Variants in IL1RN observed in about 807,000 individuals in gnomAD.
IL1RN encodes interleukin-1 receptor antagonist protein.
A neutral mutation model predicts 13.7 loss-of-function variants in IL1RN; 10 were observed. The ratio of observed to expected loss-of-function variants is 0.73; its 90% CI spans 0.45 to 1.24. The LOEUF (loss-of-function observed/expected upper bound fraction) is 1.24. Among genes scored for constraint, IL1RN ranks in the 50% most tolerant of loss-of-function variants. The pLI, the probability that IL1RN is intolerant of heterozygous loss-of-function variation, is 0.00. For synonymous variants in IL1RN, 102 were observed against 82.7 expected, an observed-to-expected ratio of 1.23 and a Z score of -1.27; for missense variants, 213 against 222.1, an observed-to-expected ratio of 0.96 and a Z score of 0.26.
At chr2:113,131,589 A>G (rs1190306687) in intron 3 of IL1RN, among the ~76,000 whole-genome samples, 1 of 152,132 alleles carries the variant, frequency 6.6e-6, no homozygotes, top group Non-Finnish European at 1.5e-5. Flanking sequence ...AGACACGGTC[A>G]CTGGGGGCCA....
rs1686725282 is a variant in IL1RN, at chr2:113,120,273, T to C, written c.73+145T>C. ...ATGAAAACGATTGATTACTAATATA[T>C]CTGCAATGGTTTATTTTCCTGAGTG... is the stretch of plus-strand genomic sequence containing the variant. On this transcript the variant is annotated intron_variant, in intron 2 of 5. Coordinates refer to the IL1RN transcript ENST00000259206. 11 of 739,718 alleles carry C rather than the reference T, an allele frequency of 1.5e-5. No homozygotes were observed. In the South Asian group the frequency reaches 1.7e-4, roughly 11 times the overall value. 45.8% of individuals were successfully genotyped at this position (739,718 alleles called of 1,614,324 possible). A position where few individuals can be genotyped will look rare whatever the true frequency, so the allele number is the denominator to read the frequency against.
At chr2:113,118,189 G>A (rs1315372046) in intron 1 of IL1RN, among the ~76,000 whole-genome samples, 3 of 152,236 alleles carry the variant, frequency 2.0e-5, no homozygotes, top group African/African-American at 7.2e-5. Flanking sequence ...GGCACGGGGA[G>A]GCATCCATGG....
chr2:113,113,773 T>A (rs975282868), upstream of IL1RN, among the ~76,000 whole-genome samples: 3 of 152,190 alleles, frequency 2.0e-5, no homozygotes, highest in South Asian at 4.1e-4. Flanking sequence ...TTAAAAATGG[T>A]TGGACTGAGA....
intron 2 of IL1RN, chr2:113,121,496 G>A (rs1460267766): frequency 1.0e-6 from 1 of 985,364 alleles, no homozygotes; most frequent in Non-Finnish European, 1.2e-6. Context: ...GAGCAAGCAT[G>A]TACCGCTGAA....
At chr2:113,109,222 G>A (rs1429865077), upstream of IL1RN, among the ~76,000 whole-genome samples, 1 of 152,106 alleles carries the variant, frequency 6.6e-6, no homozygotes, top group African/African-American at 2.4e-5. Context: ...AGACCAGCCT[G>A]ACCAACATGG....
chr2:113,113,903 A>G (rs1686544890), upstream of IL1RN, among the ~76,000 whole-genome samples: 1 of 152,184 alleles, frequency 6.6e-6, no homozygotes, highest in Non-Finnish European at 1.5e-5. Flanking sequence ...CACCATGCCA[A>G]TGTAGTCAAG....
At chr2:113,116,022 C>T (rs4251954), upstream of IL1RN, among the ~76,000 whole-genome samples, 2,385 of 152,330 alleles carry the variant, frequency 0.016, 67 homozygotes, top group African/African-American at 0.054. Context: ...ATGCCAACCA[C>T]ATGCCAAGCA....
upstream of IL1RN, among the ~76,000 whole-genome samples, chr2:113,110,914 T>C (rs974287425): frequency 6.6e-6 from 1 of 152,196 alleles, no homozygotes; most frequent in African/African-American, 2.4e-5. Context: ...CAAGAACTAA[T>C]TTCTGGAATG....
upstream of IL1RN, among the ~76,000 whole-genome samples, chr2:113,107,580 A>G (rs1224427299): frequency 6.6e-6 from 1 of 151,616 alleles, no homozygotes; most frequent in Non-Finnish European, 1.5e-5. Context: ...AAAAAAAAAA[A>G]AAAATAGCCA....
upstream of IL1RN, among the ~76,000 whole-genome samples, chr2:113,104,497 G>A (rs1410910320): frequency 6.6e-6 from 1 of 152,140 alleles, no homozygotes; most frequent in Non-Finnish European, 1.5e-5. Context: ...GGGGCAAAAG[G>A]TATGCAAAGG....
chr2:113,114,454 A>G (rs1178017867), upstream of IL1RN, among the ~76,000 whole-genome samples: 1 of 152,168 alleles, frequency 6.6e-6, no homozygotes, highest in East Asian at 1.9e-4. Flanking sequence ...GGTCAGGTAC[A>G]TGTGTAATCA....
At chr2:113,115,161 A>T (rs972446804), upstream of IL1RN, among the ~76,000 whole-genome samples, 2 of 152,212 alleles carry the variant, frequency 1.3e-5, no homozygotes, top group African/African-American at 4.8e-5. Flanking sequence ...AACTGATCCC[A>T]TGTATTTTCA....
At chr2:113,120,206 A>G in intron 2 of IL1RN, 1 of 955,358 alleles carries the variant, frequency 1.0e-6, no homozygotes, top group South Asian at 1.3e-5. Context: ...TATGTAGTTG[A>G]AGGAAATTAA....
At chr2:113,120,184 C>A in intron 2 of IL1RN, 1 of 1,167,048 alleles carries the variant, frequency 8.6e-7, no homozygotes, top group Non-Finnish European at 1.3e-6. Context: ...TAGATATGAA[C>A]AACATCTTGA....
the IL1RN span, among the ~76,000 whole-genome samples, chr2:113,101,758 T>C: frequency 6.6e-6 from 1 of 152,090 alleles, no homozygotes; most frequent in African/African-American, 2.4e-5. Context: ...GAGAGACTTT[T>C]TTATTCTTTT....
chr2:113,123,007 C>A (rs1254280747), upstream of IL1RN, among the ~76,000 whole-genome samples: 2 of 152,100 alleles, frequency 1.3e-5, no homozygotes, highest in African/African-American at 2.4e-5. Context: ...AGCCTGTAAT[C>A]CCAGCTACTC....
At chr2:113,120,845 G>T (rs967408607) in intron 2 of IL1RN, among the ~76,000 whole-genome samples, 2 of 152,214 alleles carry the variant, frequency 1.3e-5, no homozygotes, top group African/African-American at 2.4e-5. Context: ...GAGAGAAAAA[G>T]TCAGTGGCCT....
upstream of IL1RN, among the ~76,000 whole-genome samples, chr2:113,103,111 G>A (rs1686339194): frequency 6.6e-6 from 1 of 152,214 alleles, no homozygotes; most frequent in Admixed American, 6.5e-5. Flanking sequence ...CAGGCAGCCT[G>A]TATCAGTAGA....
upstream of IL1RN, among the ~76,000 whole-genome samples, chr2:113,103,473 T>C (rs1186445096): frequency 6.6e-6 from 1 of 151,116 alleles, no homozygotes; most frequent in Non-Finnish European, 1.5e-5. Context: ...AACGGAGAGG[T>C]TGGAGTGATG....
Sources: gnomAD v4.1 joint callset for allele counts (sites outside exome capture counted in the v4.1 genomes callset) on GRCh38, gnomAD v4.1.1 for gene constraint, MANE v1.5 for transcripts, NCBI Gene and HGNC (gene_info 2026-07-23, HGNC 2026-07-21) for gene names.